PKNOX1: variants seen among roughly 807,000 people sequenced by gnomAD.
PKNOX1 encodes the protein homeobox protein PKNOX1.
PKNOX1 carries 15 observed loss-of-function variants against 51.9 expected under a neutral mutation model. The ratio of observed to expected loss-of-function variants is 0.29; its 90% CI spans 0.19 to 0.45. PKNOX1 has a LOEUF of 0.45. Among genes scored for constraint, PKNOX1 ranks in the 20% least tolerant of loss-of-function variants. PKNOX1 has a pLI of 1.00. For missense variants in PKNOX1, 462 were observed against 547.5 expected, an observed-to-expected ratio of 0.84 and a Z score of 1.56; for synonymous variants, 219 against 211.1, an observed-to-expected ratio of 1.04 and a Z score of -0.32.
chr21:42,975,283 G>A (rs1333470010), intron 1 of PKNOX1, among the ~76,000 whole-genome samples: 1 of 151,012 alleles, frequency 6.6e-6, no homozygotes, highest in African/African-American at 2.4e-5. Context: ...CGGGTGGGTC[G>A]GGGTCCTGGG....
At chr21:42,991,786 G>A (rs911011561) in intron 1 of PKNOX1, among the ~76,000 whole-genome samples, 1 of 151,836 alleles carries the variant, frequency 6.6e-6, no homozygotes, top group Admixed American at 6.6e-5. Context: ...TCCTAGCAGG[G>A]TAAATCCTAA....
At position 43,004,237 on chromosome 21, in the gene PKNOX1, CAAAAAA is replaced by C. The variant is rs900704157; in HGVS notation, c.-56-82_-56-77del. ...GGGCAACAAGAGTGAAACTCGGTCTCAAAAAAAAAAAATTTGATGTTATGGAATGAG... is the reference window on the plus strand; with the variant it reads ...GGGCAACAAGAGTGAAACTCGGTCTCAAAAAATTTGATGTTATGGAATGAG... On this transcript the variant is annotated intron_variant, in intron 1 of 10. Coordinates refer to ENST00000291547, the MANE Select transcript of PKNOX1 (RefSeq NM_004571.5). The C allele has an allele frequency of 6.2e-6, 3 of 486,184 alleles. No homozygotes were observed. In the Admixed American group the frequency reaches 9.8e-5, roughly 16 times the overall value. 30.1% of individuals were successfully genotyped at this position (486,184 alleles called of 1,614,324 possible).
intron 1 of PKNOX1, among the ~76,000 whole-genome samples, chr21:42,987,743 A>C (rs918762084): frequency 3.4e-5 from 5 of 149,252 alleles, no homozygotes; most frequent in Non-Finnish European, 7.4e-5. Context: ...CTCAGCCTAC[A>C]GAGTAGCTGG....
At chr21:42,984,463 ACCACAACCTCCACCT>A (rs2146226964) in intron 1 of PKNOX1, among the ~76,000 whole-genome samples, 1 of 151,312 alleles carries the variant, frequency 6.6e-6, no homozygotes, top group East Asian at 2.0e-4. Context: ...ATCTTGGCTC[ACCACAACCTCCACCT>A]CCTGGGTTCA....
chr21:42,997,694 A>G (rs1053226860), intron 1 of PKNOX1, among the ~76,000 whole-genome samples: 3 of 152,204 alleles, frequency 2.0e-5, no homozygotes, highest in Non-Finnish European at 4.4e-5. Context: ...AGCATGGACA[A>G]ACTTAACCCC....
At chr21:43,012,514 C>T (rs927750279) in intron 4 of PKNOX1, among the ~76,000 whole-genome samples, 8 of 152,182 alleles carry the variant, frequency 5.3e-5, no homozygotes, top group Admixed American at 3.3e-4. Flanking sequence ...GAGCTGAGAT[C>T]GCACCACTGC....
At chr21:43,006,724 G>A (rs1979002610) in intron 2 of PKNOX1, among the ~76,000 whole-genome samples, 2 of 152,104 alleles carry the variant, frequency 1.3e-5, no homozygotes, top group South Asian at 2.1e-4. Context: ...CCCCGCCCCC[G>A]CTGCCCCAAG....
chr21:43,025,908 A>C (rs1979967174), intron 9 of PKNOX1, among the ~76,000 whole-genome samples: 1 of 152,206 alleles, frequency 6.6e-6, no homozygotes, highest in Non-Finnish European at 1.5e-5. Flanking sequence ...CATTCTTGCC[A>C]TTCTTTTAGA....
intron 1 of PKNOX1, among the ~76,000 whole-genome samples, chr21:42,992,963 A>T (rs1463666756): frequency 7.5e-6 from 1 of 133,484 alleles, no homozygotes; most frequent in Non-Finnish European, 1.6e-5. Context: ...GGGCTTTCTC[A>T]TAGCAGTGTC....
intron 1 of PKNOX1, among the ~76,000 whole-genome samples, chr21:42,977,253 G>A (rs2059001622): frequency 6.6e-6 from 1 of 152,204 alleles, no homozygotes; most frequent in South Asian, 2.1e-4. Context: ...AGTCACCAGT[G>A]ACATTTGCCC....
At chr21:43,005,564 A>G (rs1223482167) in intron 2 of PKNOX1, among the ~76,000 whole-genome samples, 3 of 151,346 alleles carry the variant, frequency 2.0e-5, no homozygotes, top group African/African-American at 7.3e-5. Flanking sequence ...ATGCAAATCT[A>G]ATAATGTCCC....
chr21:43,023,331 G>C (rs1979845119), intron 8 of PKNOX1, among the ~76,000 whole-genome samples: 1 of 152,056 alleles, frequency 6.6e-6, no homozygotes. Flanking sequence ...CACTGCTGAG[G>C]CACATCTGAG....
intron 5 of PKNOX1, among the ~76,000 whole-genome samples, chr21:43,016,458 A>T (rs1015377668): frequency 6.6e-6 from 1 of 152,352 alleles, no homozygotes; most frequent in East Asian, 1.9e-4. Flanking sequence ...GGAATACCTC[A>T]GCCCTGGTCA....
intron 1 of PKNOX1, among the ~76,000 whole-genome samples, chr21:42,977,246 C>A (rs1425145912): frequency 1.3e-5 from 2 of 152,206 alleles, no homozygotes; most frequent in Non-Finnish European, 2.9e-5. Flanking sequence ...AGCTTAAAGT[C>A]ACCAGTGACA....
intron 7 of PKNOX1, among the ~76,000 whole-genome samples, chr21:43,018,483 CACACACACACACACACACACACA>C (rs1979609802): frequency 3.4e-5 from 1 of 29,844 alleles, no homozygotes; most frequent in Admixed American, 2.3e-4. Context: ...CCCACACACA[CACACACACACACACACACACACA>C]CACACACACA....
intron 1 of PKNOX1, among the ~76,000 whole-genome samples, chr21:42,979,393 G>A (rs1275732411): frequency 2.6e-5 from 4 of 152,232 alleles, no homozygotes; most frequent in Non-Finnish European, 5.9e-5. Flanking sequence ...TCTTCAACTT[G>A]TGAAAAACAT....
intron 4 of PKNOX1, among the ~76,000 whole-genome samples, chr21:43,011,927 C>T (rs1979273188): frequency 6.6e-6 from 1 of 152,150 alleles, no homozygotes; most frequent in African/African-American, 2.4e-5. Context: ...CCACATCCAT[C>T]TTCCCATTGG....
intron 5 of PKNOX1, among the ~76,000 whole-genome samples, chr21:43,014,720 A>G (rs1367003323): frequency 6.6e-6 from 1 of 152,192 alleles, no homozygotes; most frequent in Non-Finnish European, 1.5e-5. Context: ...AAAGTTTTAT[A>G]GTTGTCCATT....
chr21:43,027,566 A>G (rs534266563), intron 9 of PKNOX1, among the ~76,000 whole-genome samples: 6 of 152,284 alleles, frequency 3.9e-5, no homozygotes, highest in Non-Finnish European at 7.3e-5. Context: ...ATCTTAATGT[A>G]TTTTGAGATT....
Sources: gnomAD v4.1 joint callset for allele counts (sites outside exome capture counted in the v4.1 genomes callset) on GRCh38, gnomAD v4.1.1 for gene constraint, MANE v1.5 for transcripts, NCBI Gene and HGNC (gene_info 2026-07-23, HGNC 2026-07-21) for gene names.